Variants in DLGAP2 observed in about 807,000 individuals in gnomAD.
The protein encoded by DLGAP2 is disks large-associated protein 2.
In DLGAP2, 26 loss-of-function variants were observed where a neutral mutation model predicts 100.3. The observed-to-expected ratio is 0.26, with a 90% CI of 0.19 to 0.36. The LOEUF (loss-of-function observed/expected upper bound fraction) is 0.36. DLGAP2 is among the 10% of genes least tolerant of loss of function. The probability of loss-of-function intolerance (pLI) is 1.00; values close to 1 mark genes in which losing one functional copy is unlikely to be tolerated. For synonymous variants in DLGAP2, 886 were observed against 630.1 expected (o/e 1.41, Z -6.08); for missense variants, 1,858 against 1,453.2 (o/e 1.28, Z -4.53).
Position 1,267,244 on chromosome 8 carries a change from TAAATAAAATA to T in DLGAP2, c.106+8390_106+8399del, listed in dbSNP as rs199767284. Reference sequence around the variant, plus strand: ...GAGACTTCATCTCAAAATAAATAAATAAATAAAATAAAATAAAATAAAATAAAATAAAATA... The same window carrying T: ...GAGACTTCATCTCAAAATAAATAAATAAATAAAATAAAATAAAATAAAATA... On this transcript the variant is annotated intron_variant, in intron 3 of 14. Coordinates refer to ENST00000637795, the MANE Select transcript of DLGAP2 (RefSeq NM_001346810.2). Among the ~76,000 whole-genome samples the T allele has an allele frequency of 9.1e-3, 1,259 of 138,732 alleles. 19 individuals are homozygous for T. The highest frequency in any genetic ancestry group is 0.029 in the African/African-American group (1,082 of 36,880). The allele number at this position is 138,732 out of a possible 152,430, so 91.0% of individuals were successfully genotyped here.
At chr8:1,207,183 G>A (rs541250798) in intron 2 of DLGAP2, among the ~76,000 whole-genome samples, 3 of 152,132 alleles carry the variant, frequency 2.0e-5, no homozygotes, top group African/African-American at 4.8e-5. Context: ...TTTAGTGCAC[G>A]CAAGCCATGT....
At chr8:956,576 C>T (rs556465930) in intron 2 of DLGAP2, among the ~76,000 whole-genome samples, 23 of 152,318 alleles carry the variant, frequency 1.5e-4, no homozygotes, top group East Asian at 1.2e-3. Flanking sequence ...CACAGAGCCA[C>T]GCATCGTGGG....
At chr8:1,507,578 A>T (rs1799972284) in intron 4 of DLGAP2, among the ~76,000 whole-genome samples, 1 of 152,130 alleles carries the variant, frequency 6.6e-6, no homozygotes, top group Non-Finnish European at 1.5e-5. Context: ...TGGCTGGCTG[A>T]AGGGCTCCTC....
intron 2 of DLGAP2, among the ~76,000 whole-genome samples, chr8:1,187,388 C>A (rs1273260382): frequency 2.8e-5 from 4 of 141,828 alleles, no homozygotes; most frequent in African/African-American, 1.1e-4. Context: ...ACCTCCGTGA[C>A]GTTTCCCTCA....
chr8:1,201,719 C>G (rs1797877857), intron 2 of DLGAP2, among the ~76,000 whole-genome samples: 2 of 152,220 alleles, frequency 1.3e-5, no homozygotes, highest in Non-Finnish European at 2.9e-5. Flanking sequence ...GAGCTTGACC[C>G]AGAGCACATT....
chr8:1,583,780 G>A (rs914960846), intron 6 of DLGAP2, among the ~76,000 whole-genome samples: 1 of 152,116 alleles, frequency 6.6e-6, no homozygotes, highest in Non-Finnish European at 1.5e-5. Flanking sequence ...TCACGTCTCA[G>A]CTTTCTGTTT....
chr8:929,415 C>G (rs191537213), intron 2 of DLGAP2, among the ~76,000 whole-genome samples: 33 of 2,250 alleles, frequency 0.015, 2 homozygotes, highest in East Asian at 0.037. Flanking sequence ...TCTAAACATC[C>G]CACACACCCC....
intron 2 of DLGAP2, among the ~76,000 whole-genome samples, chr8:1,222,708 T>C (rs1798340488): frequency 6.6e-6 from 1 of 150,776 alleles, no homozygotes; most frequent in Non-Finnish European, 1.5e-5. Context: ...ACTGGTGGGG[T>C]TTATCTGCAG....
intron 4 of DLGAP2, among the ~76,000 whole-genome samples, chr8:1,506,561 T>C (rs1357744961): frequency 3.3e-5 from 5 of 152,178 alleles, no homozygotes; most frequent in Non-Finnish European, 7.3e-5. Context: ...ATTTAGTGCA[T>C]ACAGCGTAAA....
chr8:903,438 C>G (rs960203766), intron 1 of DLGAP2, among the ~76,000 whole-genome samples: 1 of 152,154 alleles, frequency 6.6e-6, no homozygotes, highest in East Asian at 1.9e-4. Flanking sequence ...TCCATAAAAT[C>G]AGCCACAACA....
intron 2 of DLGAP2, among the ~76,000 whole-genome samples, chr8:919,368 T>G (rs1271239048): frequency 6.6e-6 from 1 of 152,198 alleles, no homozygotes; most frequent in African/African-American, 2.4e-5. Context: ...TCTGATGTTC[T>G]CAGTCTTTCT....
At chr8:1,305,053 T>C (rs1011257988) in intron 3 of DLGAP2, among the ~76,000 whole-genome samples, 1 of 152,170 alleles carries the variant, frequency 6.6e-6, no homozygotes, top group Non-Finnish European at 1.5e-5. Context: ...GCAGGTGACC[T>C]CCCACCTGGA....
chr8:1,015,196 A>G (rs867389869), intron 2 of DLGAP2, among the ~76,000 whole-genome samples: 78 of 5,514 alleles, frequency 0.014, 3 homozygotes, highest in East Asian at 0.044. Flanking sequence ...AGGACAGACG[A>G]CGCCTCCACT....
intron 5 of DLGAP2, among the ~76,000 whole-genome samples, chr8:1,555,623 C>G (rs1300932070): frequency 6.6e-6 from 1 of 152,192 alleles, no homozygotes; most frequent in Admixed American, 6.5e-5. Context: ...GCCTTCGAGC[C>G]TCTCACTGTC....
At chr8:1,439,346 A>C (rs1797755937) in intron 3 of DLGAP2, among the ~76,000 whole-genome samples, 2 of 152,150 alleles carry the variant, frequency 1.3e-5, no homozygotes, top group Admixed American at 6.5e-5. Flanking sequence ...TGGGAGCTAG[A>C]GGTGGATAAT....
chr8:1,676,451 C>G, intron 10 of DLGAP2, 82 bp from the exon 11 acceptor site: 3 of 1,427,722 alleles, frequency 2.1e-6, no homozygotes, highest in Non-Finnish European at 2.9e-6. Context: ...TTAATTACAG[C>G]AAATCCACAA....
chr8:1,292,888 G>C (rs1360447385), intron 3 of DLGAP2, among the ~76,000 whole-genome samples: 1 of 151,998 alleles, frequency 6.6e-6, no homozygotes, highest in East Asian at 1.9e-4. Context: ...TGCCCACCCC[G>C]TGCGTGGGTC....
intron 3 of DLGAP2, among the ~76,000 whole-genome samples, chr8:1,348,594 C>G (rs1337607992): frequency 6.6e-6 from 1 of 151,132 alleles, no homozygotes; most frequent in African/African-American, 2.4e-5. Context: ...CCATTAACAT[C>G]TGCATTGCAC....
intron 2 of DLGAP2, among the ~76,000 whole-genome samples, chr8:944,280 G>C (rs927482247): frequency 2.0e-5 from 3 of 151,936 alleles, no homozygotes; most frequent in Non-Finnish European, 2.9e-5. Context: ...CCAGTGGATT[G>C]TAACCAGCCC....
Sources: gnomAD v4.1 joint callset for allele counts (sites outside exome capture counted in the v4.1 genomes callset) on GRCh38, gnomAD v4.1.1 for gene constraint, MANE v1.5 for transcripts, NCBI Gene and HGNC (gene_info 2026-07-23, HGNC 2026-07-21) for gene names.